The following RDX variants were observed in gnomAD, a reference collection of about 807,000 sequenced individuals.
The protein encoded by RDX is radixin, also known as deafness, autosomal recessive 24.
In RDX, 32 loss-of-function variants were observed where a neutral mutation model predicts 83.7. The observed-to-expected ratio is 0.38, with a 90% confidence interval of 0.29 to 0.51. The LOEUF (loss-of-function observed/expected upper bound fraction) is 0.51, where lower values mean the gene tolerates loss of function less well. Ranked by LOEUF, RDX falls within the 20% of genes least tolerant of loss-of-function variation. The pLI, the probability that RDX is intolerant of heterozygous loss-of-function variation, is 0.87. For synonymous variants in RDX, 229 were observed against 222.7 expected (o/e 1.03, Z -0.25); for missense variants, 600 against 689.9 (o/e 0.87, Z 1.46).
At chr11:110,209,434 G>A (rs2134252249) in intron 14 of RDX, among the ~76,000 whole-genome samples, 1 of 152,256 alleles carries the variant, frequency 6.6e-6, no homozygotes, top group South Asian at 2.1e-4. Flanking sequence ...CATTGCCCAG[G>A]CTTGATTAGG....
intron 14 of RDX, among the ~76,000 whole-genome samples, chr11:110,203,266 G>A (rs373350690): frequency 1.1e-3 from 167 of 152,138 alleles, no homozygotes; most frequent in South Asian, 5.2e-3. Context: ...AGCACAGAAG[G>A]ACAAAAATTG....
chr11:110,249,309 C>T (rs1236674674), intron 9 of RDX, among the ~76,000 whole-genome samples: 3 of 152,100 alleles, frequency 2.0e-5, no homozygotes, highest in Admixed American at 2.0e-4. Flanking sequence ...AGCACAAAAC[C>T]CTGTAGTTTC....
rs567677269 is a variant in RDX, at chr11:110,242,741, CTAAAA to C, written c.1090+4957_1090+4961del. Among the ~76,000 whole-genome samples the C allele has an allele frequency of 1.3e-4, 20 of 152,262 alleles. No individual in the cohort carries two copies. The South Asian group carries it at 4.1e-3, about 32-fold the overall frequency. On this transcript the variant is annotated intron_variant, in intron 10 of 13. Coordinates refer to ENST00000645495, the MANE Select transcript of RDX (RefSeq NM_002906.4). ...AACATCAGGTCTACTCCAGTCCCTC[CTAAAA>C]AAGGAAGCTTTTTAACAGTCATATA...
chr11:110,209,303 C>T (rs572034855), intron 14 of RDX, among the ~76,000 whole-genome samples: 87 of 151,988 alleles, frequency 5.7e-4, no homozygotes, highest in African/African-American at 1.8e-3. Flanking sequence ...CGGCGCACCA[C>T]GAGATTATAT....
intron 10 of RDX, among the ~76,000 whole-genome samples, chr11:110,241,206 T>C (rs1359560457): frequency 1.3e-5 from 2 of 152,220 alleles, no homozygotes; most frequent in Non-Finnish European, 2.9e-5. Flanking sequence ...CACTGGATGT[T>C]ACCATAGCGA....
intron 15 of RDX, among the ~76,000 whole-genome samples, chr11:110,178,690 C>T (rs1435485804): frequency 2.0e-5 from 3 of 152,132 alleles, no homozygotes; most frequent in Admixed American, 6.5e-5. Flanking sequence ...TGACAGAGCA[C>T]CTTCCAGGGA....
At chr11:110,182,981 A>G (rs551206377) in intron 15 of RDX, among the ~76,000 whole-genome samples, 105 of 152,330 alleles carry the variant, frequency 6.9e-4, no homozygotes, top group African/African-American at 2.4e-3. Context: ...GTCATGCAGC[A>G]GAAAATGGCA....
chr11:110,193,445 A>T (rs1863140914), intron 15 of RDX, among the ~76,000 whole-genome samples: 2 of 152,214 alleles, frequency 1.3e-5, no homozygotes, highest in South Asian at 4.1e-4. Flanking sequence ...TGACAGGATC[A>T]TTCATACCCC....
chr11:110,193,865 A>G (rs1863150450), intron 15 of RDX, among the ~76,000 whole-genome samples: 1 of 152,240 alleles, frequency 6.6e-6, no homozygotes, highest in African/African-American at 2.4e-5. Flanking sequence ...ATACAGCATT[A>G]TCTCTAATTG....
intron 15 of RDX, among the ~76,000 whole-genome samples, chr11:110,188,252 C>T (rs1170339424): frequency 6.6e-6 from 1 of 151,592 alleles, no homozygotes; most frequent in Non-Finnish European, 1.5e-5. Context: ...CAAGATCACA[C>T]CACTGCACTC....
chr11:110,260,618 T>C (rs1039570983), intron 5 of RDX, among the ~76,000 whole-genome samples: 2 of 152,152 alleles, frequency 1.3e-5, no homozygotes, highest in African/African-American at 4.8e-5. Flanking sequence ...TCTTCTAGTA[T>C]AGAATTATTC....
chr11:110,222,056 C>T (rs1051190021), intron 14 of RDX, among the ~76,000 whole-genome samples: 99 of 152,274 alleles, frequency 6.5e-4, no homozygotes, highest in African/African-American at 2.4e-3. Flanking sequence ...AGGGAATAAA[C>T]ATCATGCCTT....
At chr11:110,192,264 T>C (rs1034049391) in intron 15 of RDX, among the ~76,000 whole-genome samples, 2 of 152,070 alleles carry the variant, frequency 1.3e-5, no homozygotes, top group South Asian at 2.1e-4. Flanking sequence ...TTTGACAAAG[T>C]TGACAAAAAT....
chr11:110,177,106 T>C (rs1286635120), intron 15 of RDX, among the ~76,000 whole-genome samples: 1 of 152,202 alleles, frequency 6.6e-6, no homozygotes, highest in African/African-American at 2.4e-5. Flanking sequence ...TGTCAAGCTG[T>C]AAAGCAAAAT....
At chr11:110,289,478 A>G (rs1167029664) in intron 1 of RDX, among the ~76,000 whole-genome samples, 1 of 152,210 alleles carries the variant, frequency 6.6e-6, no homozygotes, top group Non-Finnish European at 1.5e-5. Flanking sequence ...AAGTTTTTAT[A>G]GTTTTTCTAA....
chr11:110,242,441 TTTAAAAAAAAAAAAA>T (rs1303755124), intron 10 of RDX, among the ~76,000 whole-genome samples: 2 of 142,470 alleles, frequency 1.4e-5, no homozygotes, highest in African/African-American at 2.6e-5. Flanking sequence ...TCTCAAAAAA[TTTAAAAAAAAAAAAA>T]TTAAAAAAAA....
chr11:110,285,450 G>A (rs1860943417), intron 1 of RDX, among the ~76,000 whole-genome samples: 5 of 148,812 alleles, frequency 3.4e-5, no homozygotes, highest in South Asian at 2.1e-4. Context: ...ATGGTGGCTC[G>A]CGCCTGTAAT....
intron 5 of RDX, among the ~76,000 whole-genome samples, chr11:110,260,237 C>T (rs369154275): frequency 6.6e-6 from 1 of 152,094 alleles, no homozygotes; most frequent in Non-Finnish European, 1.5e-5. Context: ...CCGCCCACCT[C>T]GGCCTCCCAA....
intron 14 of RDX, among the ~76,000 whole-genome samples, chr11:110,215,671 G>A (rs181332396): frequency 3.9e-5 from 6 of 152,172 alleles, no homozygotes; most frequent in African/African-American, 1.4e-4. Flanking sequence ...CATTCACTTT[G>A]AGTTATGCAG....
Sources: gnomAD v4.1 joint callset for allele counts (sites outside exome capture counted in the v4.1 genomes callset) on GRCh38, gnomAD v4.1.1 for gene constraint, MANE v1.5 for transcripts, NCBI Gene and HGNC (gene_info 2026-07-23, HGNC 2026-07-21) for gene names.